CD28: variants seen among roughly 807,000 people sequenced by gnomAD.
CD28 encodes the protein T-cell-specific surface glycoprotein CD28.
Under a neutral mutation model 21.4 loss-of-function variants are expected in CD28, and 8 were observed. The ratio of observed to expected loss-of-function variants is 0.37; its 90% confidence interval spans 0.22 to 0.68. The LOEUF (loss-of-function observed/expected upper bound fraction) is 0.68, where lower values mean the gene tolerates loss of function less well. Among genes scored for constraint, CD28 ranks in the 30% least tolerant of loss-of-function variants. The pLI, the probability that CD28 is intolerant of heterozygous loss-of-function variation, is 0.55. For missense variants in CD28, 239 were observed against 272.2 expected, an observed-to-expected ratio of 0.88 and a Z score of 0.86; for synonymous variants, 106 against 104.0, an observed-to-expected ratio of 1.02 and a Z score of -0.12.
chr2:203,722,911 G>A (rs935802650), intron 1 of CD28, among the ~76,000 whole-genome samples: 3 of 152,184 alleles, frequency 2.0e-5, no homozygotes, highest in Admixed American at 1.3e-4. Flanking sequence ...TGTGGAGGCC[G>A]ATTTGAGGAT....
upstream of CD28, chr2:203,706,565 G>A (rs767763807): frequency 7.0e-6 from 11 of 1,579,978 alleles, no homozygotes; most frequent in East Asian, 2.4e-5. Flanking sequence ...GCCCTAAGGG[G>A]ATGGTGGCGG....
intron 1 of CD28, among the ~76,000 whole-genome samples, chr2:203,709,032 G>C (rs1439900392): frequency 1.3e-5 from 2 of 151,534 alleles, no homozygotes; most frequent in Non-Finnish European, 2.9e-5. Flanking sequence ...TTAGGCAGGA[G>C]AATTGCTTAA....
chr2:203,725,182 C>T (rs928141906), intron 1 of CD28, among the ~76,000 whole-genome samples: 8 of 151,826 alleles, frequency 5.3e-5, no homozygotes, highest in South Asian at 2.1e-4. Context: ...CCCAGCTACT[C>T]GGGAGGCTGA....
At position 203,729,746 on chromosome 2, in the gene CD28, G is replaced by A. The variant is rs1324964922; in HGVS notation, c.508G>A (p.Val170Ile). 3.1e-6 allele frequency: 5 copies of A among 1,613,920 alleles called. No individual in the cohort carries two copies. The highest frequency in any genetic ancestry group is 4.2e-6 in the Non-Finnish European group (5 of 1,179,960). ...GGVLACYSLL[V>I]TVAFIIFWVR... ...AGTCCTGGCTTGCTATAGCTTGCTA[G>A]TAACAGTGGCCTTTATTATTTTCTG... is the stretch of plus-strand genomic sequence containing the variant. The change falls in exon 3 of 4, where the codon GTA becomes ATA. Residue 170 changes from valine (V) to isoleucine (I), a missense_variant. By Grantham distance (29) the Val-to-Ile change is conservative. Around this residue, in one of 3 missense-constraint regions of CD28, gnomAD observed 112 missense variants for 112.8 expected, o/e 0.99. Coordinates refer to ENST00000324106, the MANE Select transcript of CD28 (RefSeq NM_006139.4).
chr2:203,732,146 G>A (rs1693911861), intron 3 of CD28, among the ~76,000 whole-genome samples: 1 of 152,048 alleles, frequency 6.6e-6, no homozygotes, highest in Non-Finnish European at 1.5e-5. Context: ...CCTATTTTTG[G>A]CTGGTCTGCA....
Position 203,735,158 on chromosome 2 carries a change from TGTACTTAG to T in CD28, c.*247_*254del. The T allele has an allele frequency of 2.0e-6, 1 of 493,006 alleles. No individual in the cohort carries two copies. Among genetic ancestry groups the T allele is most frequent in the Non-Finnish European group, 3.6e-6 (1 of 280,588 alleles). 30.5% of individuals were successfully genotyped at this position (493,006 alleles called of 1,614,324 possible). On this transcript the variant is annotated 3_prime_UTR_variant, in exon 4 of 4. Coordinates refer to ENST00000324106, the MANE Select transcript of CD28 (RefSeq NM_006139.4). ...CCATGGCCCACATTCCAACTTACCA[TGTACTTAG>T]TGACTTGACTGAGAAGTTAGGGTAG...
intron 3 of CD28, among the ~76,000 whole-genome samples, chr2:203,732,623 G>C (rs1693923742): frequency 6.6e-6 from 1 of 152,144 alleles, no homozygotes; most frequent in African/African-American, 2.4e-5. Flanking sequence ...ATGGGGAGAA[G>C]GGCAAAGGAG....
At chr2:203,723,790 G>A (rs966798268) in intron 1 of CD28, among the ~76,000 whole-genome samples, 17 of 152,190 alleles carry the variant, frequency 1.1e-4, no homozygotes, top group African/African-American at 4.1e-4. Flanking sequence ...TTCACTGCTG[G>A]TGAGAATGTA....
intron 3 of CD28, among the ~76,000 whole-genome samples, chr2:203,733,470 A>G (rs1693950335): frequency 6.6e-6 from 1 of 152,160 alleles, no homozygotes; most frequent in African/African-American, 2.4e-5. Flanking sequence ...TATTTTAGAC[A>G]TGTTGAGTTT....
At chr2:203,728,013 T>C (rs1174621740) in intron 2 of CD28, among the ~76,000 whole-genome samples, 1 of 152,148 alleles carries the variant, frequency 6.6e-6, no homozygotes, top group East Asian at 1.9e-4. Context: ...GGTTTCACCG[T>C]GTTAGCAAGG....
chr2:203,720,648 AAGTACT>A (rs1693582948), intron 1 of CD28, among the ~76,000 whole-genome samples: 1 of 152,194 alleles, frequency 6.6e-6, no homozygotes, highest in African/African-American at 2.4e-5. Flanking sequence ...ACATTATTTG[AAGTACT>A]GTGGATTTTC....
intron 1 of CD28, among the ~76,000 whole-genome samples, chr2:203,719,972 T>C (rs1693562924): frequency 6.6e-6 from 1 of 152,102 alleles, no homozygotes; most frequent in Admixed American, 6.6e-5. Flanking sequence ...CCGTTTATAA[T>C]AGGTGTAAAC....
At chr2:203,719,371 T>C (rs948872365) in intron 1 of CD28, among the ~76,000 whole-genome samples, 1 of 152,136 alleles carries the variant, frequency 6.6e-6, no homozygotes, top group Non-Finnish European at 1.5e-5. Context: ...GAAAATGAAA[T>C]GTATTTTGTT....
rs2106128014 is a variant in CD28 at position 203,736,672 on chromosome 2, G to GT, written c.*1761dup. The GT allele has an allele frequency of 6.6e-6, 1 of 152,288 alleles. No homozygotes were observed. The highest frequency in any genetic ancestry group is 2.4e-5 in the African/African-American group (1 of 41,546). 9.4% of individuals were successfully genotyped at this position (152,288 alleles called of 1,614,324 possible). A position where few individuals can be genotyped will look rare whatever the true frequency, so the allele number is the denominator to read the frequency against. On this transcript the variant is annotated 3_prime_UTR_variant, in exon 4 of 4. Coordinates refer to ENST00000324106, the MANE Select transcript of CD28 (RefSeq NM_006139.4). ...TTTGTTCATGCTTCAGTTAATTCAG[G>GT]TGTTGAAGGAGCTTAGGTTTTAGAG... is the stretch of plus-strand genomic sequence containing the variant.
chr2:203,720,422 A>C (rs555506966), intron 1 of CD28, among the ~76,000 whole-genome samples: 1 of 152,244 alleles, frequency 6.6e-6, no homozygotes, highest in African/African-American at 2.4e-5. Flanking sequence ...GGTTTGACCT[A>C]GGTAGACCTT....
intron 1 of CD28, among the ~76,000 whole-genome samples, chr2:203,708,658 T>A (rs569728125): frequency 4.8e-4 from 73 of 152,352 alleles, no homozygotes; most frequent in African/African-American, 1.6e-3. Context: ...GGCCTTTGTT[T>A]TCTACTTTGA....
At chr2:203,706,618 G>A (rs746254059), upstream of CD28, 29 of 1,612,038 alleles carry the variant, frequency 1.8e-5, no homozygotes, top group South Asian at 8.8e-5. Flanking sequence ...GCCTTGGCAG[G>A]TGCGTCTTTC....
At chr2:203,707,311 C>T (rs3181101) in intron 1 of CD28, among the ~76,000 whole-genome samples, 1 of 151,984 alleles carries the variant, frequency 6.6e-6, no homozygotes, top group African/African-American at 2.4e-5. Context: ...ATTATTTAAA[C>T]TCTCCAAACC....
At chr2:203,710,625 C>G (rs374967217) in intron 1 of CD28, among the ~76,000 whole-genome samples, 23 of 152,232 alleles carry the variant, frequency 1.5e-4, no homozygotes, top group East Asian at 9.7e-4. Flanking sequence ...ATATCTTCCT[C>G]CAAGTATTTC....
Sources: gnomAD v4.1 joint callset for allele counts (sites outside exome capture counted in the v4.1 genomes callset) on GRCh38, gnomAD v4.1.1 for gene constraint, gnomAD v4.1.1 regional missense constraint, MANE v1.5 for transcripts, NCBI Gene and HGNC (gene_info 2026-07-23, HGNC 2026-07-21) for gene names.